GDPD4: variants seen among roughly 807,000 people sequenced by gnomAD.
The protein encoded by GDPD4 is glycerophosphodiester phosphodiesterase 6.
In GDPD4, 60 loss-of-function variants were observed where a neutral mutation model predicts 67.8. The observed-to-expected ratio is 0.88, with a 90% CI of 0.72 to 1.10. The LOEUF is 1.10. GDPD4 is among the 50% of genes least tolerant of loss of function. The pLI is 0.00. For synonymous variants in GDPD4, 212 were observed against 210.9 expected, an observed-to-expected ratio of 1.00 and a Z score of -0.04; for missense variants, 623 against 613.9, an observed-to-expected ratio of 1.01 and a Z score of -0.16.
chr11:77,233,108 G>T lies in GDPD4; in HGVS notation c.1306C>A (p.Leu436Met), dbSNP rs1449975437. 6.2e-7 allele frequency: 1 copy of T among 1,613,774 alleles called. No individual in the cohort carries two copies. The highest frequency in any genetic ancestry group is 8.5e-7 in the Non-Finnish European group (1 of 1,179,770). The stretch of plus-strand genomic sequence containing the variant: ...GAGTTAATCCTGGAGCACCAGGCCA[G>T]TGAGAAAAGCCAAGGCTCATTGACG... Reference protein sequence around the residue: ...YTVNEPWLFSLAWCSRINSVT... With the variant: ...YTVNEPWLFSMAWCSRINSVT... The change falls in exon 14 of 17, where the codon CTG becomes ATG. Residue 436 changes from leucine (L) to methionine (M), a missense_variant. By Grantham distance (15) the Leu-to-Met change is conservative. Transcript: ENST00000315938.
chr11:77,259,222 C>T (rs546213609), intron 10 of GDPD4, among the ~76,000 whole-genome samples: 2 of 152,186 alleles, frequency 1.3e-5, no homozygotes, highest in African/African-American at 2.4e-5. Context: ...TCAAGTGATC[C>T]GCCCACCTCA....
intron 13 of GDPD4, among the ~76,000 whole-genome samples, chr11:77,234,244 G>A (rs1476063722): frequency 6.6e-6 from 1 of 152,074 alleles, no homozygotes; most frequent in Admixed American, 6.5e-5. Context: ...AATTGTCTCT[G>A]AACCAATCCC....
At chr11:77,230,207 G>A (rs1341454648) in intron 14 of GDPD4, among the ~76,000 whole-genome samples, 1 of 152,144 alleles carries the variant, frequency 6.6e-6, no homozygotes, top group Non-Finnish European at 1.5e-5. Context: ...GAGGGCTGCT[G>A]TAGTTGGCTG....
chr11:77,246,164 T>C (rs1429717970), intron 11 of GDPD4, among the ~76,000 whole-genome samples: 1 of 152,026 alleles, frequency 6.6e-6, no homozygotes, highest in Admixed American at 6.5e-5. Flanking sequence ...TACATGCCTG[T>C]AGTCCTAACT....
chr11:77,289,399 C>A (rs894754621), intron 1 of GDPD4, among the ~76,000 whole-genome samples: 2 of 140,750 alleles, frequency 1.4e-5, no homozygotes, highest in African/African-American at 2.7e-5. Flanking sequence ...GGAGGGAAGA[C>A]GGAAAGAGAC....
At chr11:77,256,842 G>A (rs1453751383) in intron 11 of GDPD4, among the ~76,000 whole-genome samples, 1 of 152,166 alleles carries the variant, frequency 6.6e-6, no homozygotes, top group East Asian at 1.9e-4. Flanking sequence ...AAGCCGAGCA[G>A]ATGCTGGTAT....
chr11:77,227,739 C>A, intron 16 of GDPD4, 125 bp downstream of exon 16: 2 of 595,404 alleles, frequency 3.4e-6, no homozygotes, highest in East Asian at 3.6e-5. Context: ...GGTCCCTCCC[C>A]CAACCCCACC....
intron 4 of GDPD4, among the ~76,000 whole-genome samples, chr11:77,277,433 C>T (rs1380891868): frequency 1.0e-5 from 1 of 100,348 alleles, no homozygotes; most frequent in African/African-American, 3.4e-5. Flanking sequence ...CAGAGTCTCG[C>T]TCTGTCGTCC....
At chr11:77,245,130 C>G in intron 12 of GDPD4, 151 bp downstream of exon 12, 4 of 631,726 alleles carry the variant, frequency 6.3e-6, no homozygotes, top group South Asian at 5.9e-5. Flanking sequence ...CCACATGTAG[C>G]TGTATAAGTA....
At chr11:77,290,698 C>A (rs1157986139) in intron 1 of GDPD4, among the ~76,000 whole-genome samples, 2 of 152,232 alleles carry the variant, frequency 1.3e-5, no homozygotes, top group South Asian at 2.1e-4. Flanking sequence ...CCTCAAGGAA[C>A]TGGAAAACCA....
intron 11 of GDPD4, among the ~76,000 whole-genome samples, chr11:77,245,917 C>T (rs889617787): frequency 2.6e-5 from 4 of 152,208 alleles, no homozygotes; most frequent in African/African-American, 7.2e-5. Flanking sequence ...CCTCCCTTGA[C>T]TTCCTTGCCA....
At chr11:77,259,811 A>C (rs1959077276) in intron 10 of GDPD4, among the ~76,000 whole-genome samples, 1 of 152,232 alleles carries the variant, frequency 6.6e-6, no homozygotes, top group Non-Finnish European at 1.5e-5. Flanking sequence ...AAAGTCCATA[A>C]GTGTATGGCT....
intron 15 of GDPD4, 122 bp downstream of exon 15, chr11:77,229,028 G>T: frequency 3.5e-6 from 2 of 567,572 alleles, no homozygotes; most frequent in Non-Finnish European, 6.2e-6. Flanking sequence ...GAGAGATTCA[G>T]ATTATAAACG....
intron 14 of GDPD4, among the ~76,000 whole-genome samples, chr11:77,230,524 T>C (rs1045101842): frequency 3.3e-5 from 5 of 152,206 alleles, no homozygotes; most frequent in East Asian, 1.9e-4. Flanking sequence ...CTCATTCAGA[T>C]TGATTGTCCT....
chr11:77,249,949 C>T (rs149199383), intron 11 of GDPD4, among the ~76,000 whole-genome samples: 2,613 of 152,126 alleles, frequency 0.017, 25 homozygotes, highest in African/African-American at 0.029. Context: ...TTCAGAAGCA[C>T]GTTGTTTAAT....
At chr11:77,245,230 GA>G in intron 12 of GDPD4, 50 bp downstream of exon 12, 3 of 1,398,896 alleles carry the variant, frequency 2.1e-6, no homozygotes, top group Non-Finnish European at 3.0e-6. Context: ...GTGCTCCTAG[GA>G]CATGCTACCC....
chr11:77,260,322 C>CG (rs200558642), intron 10 of GDPD4, among the ~76,000 whole-genome samples: 7 of 105,366 alleles, frequency 6.6e-5, no homozygotes, highest in African/African-American at 2.8e-4. Context: ...AAAAAATGGT[C>CG]GGGGGAGGGG....
intron 16 of GDPD4, among the ~76,000 whole-genome samples, chr11:77,220,952 G>A (rs1180792579): frequency 6.6e-6 from 1 of 152,100 alleles, no homozygotes; most frequent in Non-Finnish European, 1.5e-5. Context: ...TCTCACTTTA[G>A]TTTTGGGAGG....
intron 1 of GDPD4, among the ~76,000 whole-genome samples, chr11:77,299,824 G>A (rs1938100213): frequency 6.6e-6 from 1 of 152,076 alleles, no homozygotes; most frequent in African/African-American, 2.4e-5. Context: ...CACAGAAAAA[G>A]GTGTGAACAC....
Sources: gnomAD v4.1 joint callset for allele counts (sites outside exome capture counted in the v4.1 genomes callset) on GRCh38, gnomAD v4.1.1 for gene constraint, MANE v1.5 for transcripts, NCBI Gene and HGNC (gene_info 2026-07-23, HGNC 2026-07-21) for gene names.